Variants in FIRRM observed in about 807,000 individuals in gnomAD.
The protein encoded by FIRRM is FIGNL1 interacting regulator of recombination and mitosis.
the FIRRM span, chr1:169,827,682 T>C: frequency 2.5e-6 from 4 of 1,611,894 alleles, no homozygotes; most frequent in African/African-American, 5.3e-5. Context: ...AGATTTCTGC[T>C]GAATTAATGT....
chr1:169,827,092 C>T, the FIRRM span: 3 of 1,613,340 alleles, frequency 1.9e-6, no homozygotes, highest in African/African-American at 4.0e-5. Flanking sequence ...ATTTCTAAAG[C>T]ACACCAAGAG....
chr1:169,786,071 T>A, the FIRRM span, among the ~76,000 whole-genome samples: 4 of 152,258 alleles, frequency 2.6e-5, no homozygotes, highest in East Asian at 3.9e-4. Flanking sequence ...TGTTGGGAGA[T>A]AAGACACAAG....
chr1:169,839,048 TTTG>T, the FIRRM span, among the ~76,000 whole-genome samples: 1 of 152,188 alleles, frequency 6.6e-6, no homozygotes, highest in African/African-American at 2.4e-5. Flanking sequence ...TTTCTGTTCC[TTTG>T]TTAATTTGCT....
At chr1:169,842,044 T>C in the FIRRM span, among the ~76,000 whole-genome samples, 1 of 151,516 alleles carries the variant, frequency 6.6e-6, no homozygotes, top group Non-Finnish European at 1.5e-5. Flanking sequence ...CGTGTGGTGG[T>C]ATGTGCCTGT....
the FIRRM span, among the ~76,000 whole-genome samples, chr1:169,801,336 T>A: frequency 0.065 from 9,832 of 151,192 alleles, 424 homozygotes; most frequent in Non-Finnish European, 0.099. Flanking sequence ...TCCCAGCTAC[T>A]TGGGAGACTG....
the FIRRM span, chr1:169,843,908 A>G: frequency 1.6e-6 from 1 of 614,758 alleles, no homozygotes; most frequent in Non-Finnish European, 2.9e-6. Context: ...CATCAAGGAT[A>G]TCTCATTTCT....
chr1:169,823,059 C>T, the FIRRM span, among the ~76,000 whole-genome samples: 12 of 151,638 alleles, frequency 7.9e-5, no homozygotes. Context: ...CAAGACCAGC[C>T]TGGACAACAT....
the FIRRM span, chr1:169,851,045 C>CTTTTTTTTT: frequency 5.8e-5 from 1 of 17,312 alleles, no homozygotes; most frequent in Non-Finnish European, 1.0e-4. Context: ...GCTCAGGGCC[C>CTTTTTTTTT]TTTTTTTTTT....
At chr1:169,813,873 C>A in the FIRRM span, among the ~76,000 whole-genome samples, 1 of 152,154 alleles carries the variant, frequency 6.6e-6, no homozygotes, top group Non-Finnish European at 1.5e-5. Context: ...TTACAGCAGG[C>A]AGTTTCAGCA....
chr1:169,808,284 A>G, the FIRRM span, among the ~76,000 whole-genome samples: 242 of 152,088 alleles, frequency 1.6e-3, 1 homozygote, highest in East Asian at 0.034. Flanking sequence ...TCAATCTTGC[A>G]TTTTTTCTTC....
the FIRRM span, chr1:169,843,532 T>C: frequency 5.0e-6 from 3 of 594,880 alleles, no homozygotes; most frequent in Non-Finnish European, 8.9e-6. Context: ...CTCATAGAGC[T>C]GTTTTGTAAG....
the FIRRM span, among the ~76,000 whole-genome samples, chr1:169,844,074 G>A: frequency 1.3e-5 from 2 of 152,202 alleles, no homozygotes; most frequent in Non-Finnish European, 2.9e-5. Flanking sequence ...TTCATGTGTT[G>A]AACCCTGCAT....
chr1:169,853,832 C>G, the FIRRM span: 1 of 1,580,512 alleles, frequency 6.3e-7, no homozygotes, highest in South Asian at 1.1e-5. Context: ...AAAAATCATA[C>G]GCAAATTTGA....
the FIRRM span, among the ~76,000 whole-genome samples, chr1:169,800,366 T>C: frequency 6.6e-6 from 1 of 152,134 alleles, no homozygotes; most frequent in Admixed American, 6.5e-5. Context: ...AAGTAAATTA[T>C]TTTTTTATCT....
chr1:169,838,459 C>G, the FIRRM span, among the ~76,000 whole-genome samples: 1 of 151,820 alleles, frequency 6.6e-6, no homozygotes, highest in Non-Finnish European at 1.5e-5. Context: ...GTTCAACATA[C>G]GTCTTTTATT....
the FIRRM span, chr1:169,842,498 G>A: frequency 2.0e-5 from 33 of 1,613,734 alleles, no homozygotes; most frequent in African/African-American, 2.4e-4. Context: ...TGCAATTATC[G>A]AAGTTGTGAG....
the FIRRM span, among the ~76,000 whole-genome samples, chr1:169,820,366 T>C: frequency 6.6e-6 from 1 of 152,186 alleles, no homozygotes. Flanking sequence ...TTTCCCCTTT[T>C]GGGGAGGATA....
At chr1:169,819,335 T>C in the FIRRM span, among the ~76,000 whole-genome samples, 1 of 152,222 alleles carries the variant, frequency 6.6e-6, no homozygotes, top group East Asian at 1.9e-4. Context: ...AAGAGCATGC[T>C]TCTGATCCAA....
chr1:169,838,528 T>C, the FIRRM span, among the ~76,000 whole-genome samples: 2 of 152,178 alleles, frequency 1.3e-5, no homozygotes, highest in East Asian at 3.9e-4. Context: ...CTCGCTCTGT[T>C]GCCCAGGCTA....
Sources: allele counts gnomAD v4.1 joint callset (sites outside exome capture counted in the v4.1 genomes callset), GRCh38; gene constraint gnomAD v4.1.1; transcripts MANE v1.5; gene names NCBI Gene and HGNC (gene_info 2026-07-23, HGNC 2026-07-21).